Variants in CWC27 observed in about 807,000 individuals in gnomAD.
CWC27 encodes spliceosome-associated protein CWC27 homolog.
CWC27 carries 47 observed loss-of-function variants against 63.6 expected under a neutral mutation model. The observed-to-expected ratio is 0.74, with a 90% confidence interval of 0.58 to 0.94. The LOEUF is 0.94. Ranked by LOEUF, CWC27 falls within the 40% of genes least tolerant of loss-of-function variation. CWC27 has a pLI of 0.00. For synonymous variants in CWC27, 175 were observed against 179.8 expected, an observed-to-expected ratio of 0.97 and a Z score of 0.22; for missense variants, 495 against 554.3, an observed-to-expected ratio of 0.89 and a Z score of 1.07.
At chr5:64,822,634 A>G (rs534027450) in intron 10 of CWC27, among the ~76,000 whole-genome samples, 1 of 152,170 alleles carries the variant, frequency 6.6e-6, no homozygotes, top group Non-Finnish European at 1.5e-5. Flanking sequence ...ATAATGATTT[A>G]CCTTCCTGTA....
chr5:64,983,450 C>G (rs939463390), intron 13 of CWC27, among the ~76,000 whole-genome samples: 6 of 152,104 alleles, frequency 3.9e-5, no homozygotes, highest in Admixed American at 2.6e-4. Flanking sequence ...GAAATTTGAC[C>G]TTGCAGACAC....
intron 1 of CWC27, among the ~76,000 whole-genome samples, chr5:64,770,100 A>G (rs531163816): frequency 1.3e-5 from 2 of 152,386 alleles, no homozygotes; most frequent in Admixed American, 1.3e-4. Context: ...CCTGTTTGTT[A>G]CATGATTGCA....
At chr5:65,011,187 A>T (rs553950132) in intron 13 of CWC27, among the ~76,000 whole-genome samples, 1 of 152,132 alleles carries the variant, frequency 6.6e-6, no homozygotes, top group African/African-American at 2.4e-5. Flanking sequence ...TTACTTGAAT[A>T]GCCACTGCAT....
At chr5:64,903,208 A>C (rs980927535) in intron 11 of CWC27, among the ~76,000 whole-genome samples, 3 of 152,214 alleles carry the variant, frequency 2.0e-5, no homozygotes, top group African/African-American at 7.2e-5. Context: ...TCATTCTACT[A>C]TAAAGACACA....
intron 11 of CWC27, among the ~76,000 whole-genome samples, chr5:64,920,604 A>G (rs1215084791): frequency 2.0e-5 from 3 of 152,140 alleles, no homozygotes; most frequent in Non-Finnish European, 4.4e-5. Flanking sequence ...TTTGGTTGGT[A>G]GGCTTGTTTT....
intron 13 of CWC27, among the ~76,000 whole-genome samples, chr5:64,992,965 T>C (rs1749564781): frequency 6.6e-6 from 1 of 152,140 alleles, no homozygotes. Flanking sequence ...ATTCCACACA[T>C]TGAATTATTA....
chr5:64,789,013 T>G lies in CWC27; in HGVS notation c.662T>G (p.Val221Gly). ...AEEEEEEVNR[V>G]SQSMKGKSKS... ...GAAGAAGAGGAGGAAGTAAATCGAG[T>G]TAGTCAGGTAATCTCTAATTTGCCC... The change falls in exon 7 of 14, where the codon GTT becomes GGT. Residue 221 changes from valine (V) to glycine (G), a missense_variant. Around this residue, in one of 3 missense-constraint regions of CWC27, gnomAD observed 463 missense variants for 498.1 expected, o/e 0.93. Coordinates refer to ENST00000381070, the MANE Select transcript of CWC27 (RefSeq NM_005869.4). The G allele has an allele frequency of 6.2e-7, 1 of 1,603,960 alleles. No homozygotes were observed. Among genetic ancestry groups the G allele is most frequent in the Non-Finnish European group, 8.5e-7 (1 of 1,174,604 alleles).
intron 11 of CWC27, among the ~76,000 whole-genome samples, chr5:64,961,532 A>C (rs1303887733): frequency 6.6e-6 from 1 of 152,160 alleles, no homozygotes; most frequent in African/African-American, 2.4e-5. Context: ...GTGAATCCAC[A>C]TTTTGATACT....
intron 11 of CWC27, among the ~76,000 whole-genome samples, chr5:64,899,509 A>C (rs1747454234): frequency 6.6e-6 from 1 of 152,206 alleles, no homozygotes; most frequent in Non-Finnish European, 1.5e-5. Flanking sequence ...TTGAGTATGA[A>C]TCTATGACAA....
chr5:64,832,598 C>T (rs1183880633), intron 10 of CWC27, among the ~76,000 whole-genome samples: 1 of 151,782 alleles, frequency 6.6e-6, no homozygotes, highest in African/African-American at 2.4e-5. Context: ...GTGCTTTGTG[C>T]ATACTTCTGT....
At chr5:64,908,494 C>T (rs972604973) in intron 11 of CWC27, among the ~76,000 whole-genome samples, 1 of 152,138 alleles carries the variant, frequency 6.6e-6, no homozygotes, top group Non-Finnish European at 1.5e-5. Context: ...TTGTTAGTCT[C>T]CCATTATTAT....
chr5:64,971,256 C>T (rs1749119912), intron 11 of CWC27, among the ~76,000 whole-genome samples: 2 of 152,020 alleles, frequency 1.3e-5, no homozygotes, highest in South Asian at 4.1e-4. Context: ...TCTATGATGC[C>T]ATTAAATTGA....
chr5:64,974,404 A>G (rs1366593328), intron 12 of CWC27, among the ~76,000 whole-genome samples: 1 of 152,188 alleles, frequency 6.6e-6, no homozygotes, highest in Non-Finnish European at 1.5e-5. Context: ...GGTGAAAGGC[A>G]GTTCTTACAT....
intron 11 of CWC27, among the ~76,000 whole-genome samples, chr5:64,968,233 A>G (rs1749059930): frequency 2.0e-5 from 3 of 152,104 alleles, no homozygotes; most frequent in South Asian, 2.1e-4. Context: ...CAATACCGAT[A>G]TATTTGGAGA....
intron 5 of CWC27, among the ~76,000 whole-genome samples, chr5:64,786,148 G>C (rs553187862): frequency 1.9e-3 from 242 of 129,756 alleles, no homozygotes; most frequent in African/African-American, 6.7e-3. Context: ...CTGGGCGACA[G>C]AGCAAGACTC....
At position 64,792,702 on chromosome 5, in the gene CWC27, G is replaced by T. The variant is rs143062008; in HGVS notation, c.669+3682G>T. 4.6e-5 allele frequency among the ~76,000 whole-genome samples: 7 copies of T among 152,190 alleles called. No individual in the cohort carries two copies. In the East Asian group the frequency reaches 1.4e-3, roughly 29 times the overall value. On this transcript the variant is annotated intron_variant, in intron 7 of 13. Coordinates refer to ENST00000381070, the MANE Select transcript of CWC27 (RefSeq NM_005869.4). ...TACTTTATAACTTATTAATTGTGTAGAGTCCTGGGCTGTGAGCTTGTTGTA... is the reference window on the plus strand; with the variant it reads ...TACTTTATAACTTATTAATTGTGTATAGTCCTGGGCTGTGAGCTTGTTGTA...
chr5:64,943,373 T>C (rs1173611443), intron 11 of CWC27, among the ~76,000 whole-genome samples: 1 of 152,238 alleles, frequency 6.6e-6, no homozygotes, highest in Non-Finnish European at 1.5e-5. Flanking sequence ...CTGCTTTTTA[T>C]ACAGTATGCA....
intron 13 of CWC27, among the ~76,000 whole-genome samples, chr5:64,979,802 G>A (rs867405247): frequency 4.6e-5 from 7 of 152,220 alleles, no homozygotes; most frequent in South Asian, 2.1e-4. Context: ...GCCACACATT[G>A]AGGGATCATT....
At chr5:64,905,270 T>G (rs1263978669) in intron 11 of CWC27, among the ~76,000 whole-genome samples, 1 of 150,168 alleles carries the variant, frequency 6.7e-6, no homozygotes, top group Non-Finnish European at 1.5e-5. Flanking sequence ...GGCTTCATGA[T>G]TACTACCTTC....
Sources: gnomAD v4.1 joint callset for allele counts (sites outside exome capture counted in the v4.1 genomes callset) on GRCh38, gnomAD v4.1.1 for gene constraint, gnomAD v4.1.1 regional missense constraint, MANE v1.5 for transcripts, NCBI Gene and HGNC (gene_info 2026-07-23, HGNC 2026-07-21) for gene names.